Variants in PGF observed in about 807,000 individuals in gnomAD.
The protein encoded by PGF is placenta growth factor.
PGF carries 11 observed loss-of-function variants against 25.3 expected under a neutral mutation model. The ratio of observed to expected loss-of-function variants is 0.43; its 90% CI spans 0.27 to 0.72. The LOEUF is 0.72. Ranked by LOEUF, PGF falls within the 30% of genes least tolerant of loss-of-function variation. PGF has a pLI of 0.18. For synonymous variants in PGF, 105 were observed against 97.9 expected, an observed-to-expected ratio of 1.07 and a Z score of -0.43; for missense variants, 230 against 234.9, an observed-to-expected ratio of 0.98 and a Z score of 0.14.
chr14:74,949,468 C>T lies in PGF; in HGVS notation c.204G>A (p.Glu68=). The change falls in exon 3 of 7, where the codon GAG becomes GAA. Residue 68 remains glutamate (E), a synonymous_variant. Transcript: ENST00000555567. Reference sequence around the variant, plus strand: ...AGGATGGGCTGAACATGTGCTCCACCTCGCTGGGGTACTCGGACACGACGT... The same window carrying T: ...AGGATGGGCTGAACATGTGCTCCACTTCGCTGGGGTACTCGGACACGACGT... ...LVDVVSEYPS[E]VEHMFSPSCV... is the part of the protein sequence containing the mutation. The T allele has an allele frequency of 6.2e-7, 1 of 1,612,482 alleles. No individual in the cohort carries two copies.
rs751945485 is a variant in PGF at position 74,955,198 on chromosome 14, G to A, written c.45C>T (p.Ala15=). Residue 15 remains alanine, a synonymous_variant, in exon 1 of 7, where the codon GCC becomes GCT. Coordinates refer to ENST00000555567, the MANE Select transcript of PGF (RefSeq NM_002632.6). The surrounding 1 kb of genome is among the most constrained non-coding windows in gnomAD (Gnocchi z 4.1). The part of the protein sequence containing the change: ...RLFPCFLQLL[A]GLALPAVPPQ... The stretch of plus-strand genomic sequence containing the variant: ...GGGGCACAGCAGGCAGCGCCAGCCC[G>A]GCCAGGAGCTGCAGGAAGCAAGGGA... 8 of 1,490,690 alleles carry A rather than the reference G, an allele frequency of 5.4e-6. No homozygotes were observed. In the South Asian group the frequency reaches 9.0e-5, roughly 17 times the overall value. The allele number at this position is 1,490,690 out of a possible 1,614,324, so 92.3% of individuals were successfully genotyped here. A position where few individuals can be genotyped will look rare whatever the true frequency, so the allele number is the denominator to read the frequency against.
At chr14:74,946,158 C>G in intron 6 of PGF, 55 bp downstream of exon 6, 1 of 1,551,060 alleles carries the variant, frequency 6.4e-7, no homozygotes, top group South Asian at 1.1e-5. Context: ...GGCGGCAAGG[C>G]GGGGCTCCCC....
Position 74,955,095 on chromosome 14 carries a change from T to C in PGF, c.75+73A>G. 1.2e-6 allele frequency: 1 copy of C among 825,002 alleles called. No homozygotes were observed. The highest frequency in any genetic ancestry group is 1.8e-6 in the Non-Finnish European group (1 of 570,310). 51.1% of individuals were successfully genotyped at this position (825,002 alleles called of 1,614,324 possible). A position where few individuals can be genotyped will look rare whatever the true frequency, so the allele number is the denominator to read the frequency against. On this transcript the variant is annotated intron_variant, in intron 1 of 6. Coordinates refer to ENST00000555567, the MANE Select transcript of PGF (RefSeq NM_002632.6). The surrounding 1 kb of genome is among the most constrained non-coding windows in gnomAD (Gnocchi z 4.1). ...GCTGCTCCCTGGAGTGGGTCTGTGA[T>C]TTCAGAGTCCCATGCTTCCAGTGCT...
intron 1 of PGF, 108 bp from the exon 2 acceptor site, chr14:74,954,054 T>C: frequency 3.1e-6 from 3 of 979,926 alleles, no homozygotes; most frequent in Non-Finnish European, 3.2e-6. Context: ...TCCTTCCCAC[T>C]TGCTGCACAT....
In PGF at chr14:74,955,378, C is replaced by A. The variant is rs11542849; in HGVS notation, c.-136G>T. On this transcript the variant is annotated 5_prime_UTR_variant, in exon 1 of 7. Transcript: ENST00000555567. The surrounding 1 kb of genome is among the most constrained non-coding windows in gnomAD (Gnocchi z 4.1). ...CTCACTGCTGCCCCGAGGCCCCGGC[C>A]GGTGGTTCGAGCATCTTCTGGAAGC... The A allele has an allele frequency of 4.5e-6, 2 of 447,616 alleles. No individual in the cohort carries two copies. The highest frequency in any genetic ancestry group is 7.8e-6 in the Non-Finnish European group (2 of 255,876). The allele number at this position is 447,616 out of a possible 1,614,324, so 27.7% of individuals were successfully genotyped here.
At chr14:74,946,109 G>A in intron 6 of PGF, 104 bp downstream of exon 6, 3 of 960,876 alleles carry the variant, frequency 3.1e-6, no homozygotes, top group Non-Finnish European at 3.3e-6. Flanking sequence ...CCCCAAGACT[G>A]GCCTCAGTCC....
intron 4 of PGF, chr14:74,947,338 G>A (rs1232497817): frequency 6.2e-6 from 1 of 160,150 alleles, no homozygotes; most frequent in African/African-American, 2.4e-5. Flanking sequence ...CTGGCTTGGA[G>A]GGATGGGTGG....
rs1424122980 is a variant in PGF at position 74,953,778 on chromosome 14, T to A, written c.118+126A>T. 5.3e-6 allele frequency: 5 copies of A among 941,228 alleles called. No homozygotes were observed. The highest frequency in any genetic ancestry group is 3.4e-5 in the Admixed American group (2 of 58,094). 58.3% of individuals were successfully genotyped at this position (941,228 alleles called of 1,614,324 possible). A position where few individuals can be genotyped will look rare whatever the true frequency, so the allele number is the denominator to read the frequency against. ...GCCCTGCCAAAGTCATCACCCAGCA[T>A]GTCTAGCTTGTAGGCTCTCCCCAGC... On this transcript the variant is annotated intron_variant, in intron 2 of 6. Coordinates refer to ENST00000555567, the MANE Select transcript of PGF (RefSeq NM_002632.6). This position sits in a 1 kb window ranked among gnomAD's most constrained non-coding sequence, Gnocchi z 5.4.
rs761272672 is a variant in PGF, at chr14:74,948,493, C to A, written c.392+14G>T. ...GGGCCTTTCCTTGCTACCCACCCGA[C>A]CCCGGAGACCTACCGGCATTCGCAG... On this transcript the variant is annotated intron_variant, in intron 4 of 6. Coordinates refer to ENST00000555567, the MANE Select transcript of PGF (RefSeq NM_002632.6). The A allele has an allele frequency of 6.4e-7, 1 of 1,563,114 alleles. No homozygotes were observed. The highest frequency in any genetic ancestry group is 1.7e-5 in the Admixed American group (1 of 58,554).
rs867102282 is a variant in PGF at position 74,944,155 on chromosome 14, T to C, written c.486-1422A>G. 5.0e-4 allele frequency among the ~76,000 whole-genome samples: 74 copies of C among 147,450 alleles called. 1 individual carries two copies. The South Asian group carries it at 9.2e-3, about 18-fold the overall frequency. ...AGTCTTGCTCTGTCCCAGGCTGGAG[T>C]GCAGTGGCGTGATCTCGGCTCACTG... On this transcript the variant is annotated intron_variant, in intron 6 of 6. Coordinates refer to ENST00000555567, the MANE Select transcript of PGF (RefSeq NM_002632.6).
In PGF at chr14:74,946,197, G is replaced by T; in HGVS notation, c.485+16C>A. 6.2e-7 allele frequency: 1 copy of T among 1,612,714 alleles called. No homozygotes were observed. The highest frequency in any genetic ancestry group is 2.2e-5 in the East Asian group (1 of 44,852). ...GGCCCAGCCTCCTCGCCATCCCTGG[G>T]ACCCCGCACACTCACAGGTGGCAGT... On this transcript the variant is annotated intron_variant, in intron 6 of 6. Transcript: ENST00000555567.
At chr14:74,946,024 G>T (rs190342214) in intron 6 of PGF, 189 bp downstream of exon 6, 4 of 595,474 alleles carry the variant, frequency 6.7e-6, no homozygotes. Context: ...CTAGGGCTAA[G>T]CCGGGACAAA....
At chr14:74,947,018 C>G in intron 4 of PGF, 3 of 608,534 alleles carry the variant, frequency 4.9e-6, no homozygotes, top group Non-Finnish European at 8.8e-6. Context: ...GGGCCTCAGT[C>G]TTCACTGGGA....
intron 6 of PGF, chr14:74,945,442 G>A (rs1385812214): frequency 2.6e-5 from 4 of 152,224 alleles, no homozygotes; most frequent in African/African-American, 9.7e-5. Context: ...CTGTCTTCAT[G>A]GAGTGGGGCT....
Position 74,946,582 on chromosome 14 carries a change from G to T in PGF, c.393-174C>A, listed in dbSNP as rs916181730. 12 of 648,110 alleles carry T rather than the reference G, an allele frequency of 1.9e-5. No individual in the cohort carries two copies. In the African/African-American group the frequency reaches 2.0e-4, roughly 11 times the overall value. The allele number at this position is 648,110 out of a possible 1,614,324, so 40.1% of individuals were successfully genotyped here. A position where few individuals can be genotyped will look rare whatever the true frequency, so the allele number is the denominator to read the frequency against. On this transcript the variant is annotated intron_variant, in intron 4 of 6. Transcript: ENST00000555567. Reference sequence around the variant, plus strand: ...AGGGAGAGGTGGCCAGAGCCTCAAGGCTTCACTCCCACTCCAGGCTCTGGT... The same window carrying T: ...AGGGAGAGGTGGCCAGAGCCTCAAGTCTTCACTCCCACTCCAGGCTCTGGT...
In PGF at chr14:74,953,168, G is replaced by A. The variant is rs1454035248; in HGVS notation, c.118+736C>T. Among the ~76,000 whole-genome samples the A allele has an allele frequency of 1.3e-5, 2 of 152,200 alleles. No individual in the cohort carries two copies. The highest frequency in any genetic ancestry group is 2.4e-5 in the African/African-American group (1 of 41,464). On this transcript the variant is annotated intron_variant, in intron 2 of 6. Transcript: ENST00000555567. This position sits in a 1 kb window ranked among gnomAD's most constrained non-coding sequence, Gnocchi z 5.4. ...GCCCAGCAGAGGGTGTTCCCAGCAC[G>A]CAGATGGCTATCACGCGTGTGCGTG...
At chr14:74,945,800 G>A (rs577382877) in intron 6 of PGF, 4 of 174,984 alleles carry the variant, frequency 2.3e-5, no homozygotes, top group South Asian at 2.7e-4. Flanking sequence ...CCCAGATAAC[G>A]TCTCAGCTGA....
intron 3 of PGF, 83 bp downstream of exon 3, chr14:74,949,274 G>A: frequency 8.5e-7 from 1 of 1,177,408 alleles, no homozygotes; most frequent in Middle Eastern, 2.1e-4. Context: ...CTCCAGCCCT[G>A]GGACCTGGGC....
At chr14:74,942,851 G>T in intron 6 of PGF, 118 bp from the exon 7 acceptor site, 1 of 864,968 alleles carries the variant, frequency 1.2e-6, no homozygotes, top group Non-Finnish European at 1.7e-6. Context: ...CATGGGGAGG[G>T]CGCAGTGCTC....
Sources: allele counts gnomAD v4.1 joint callset (sites outside exome capture counted in the v4.1 genomes callset), GRCh38; gene constraint gnomAD v4.1.1; non-coding constraint Gnocchi (gnomAD v3.1); transcripts MANE v1.5; gene names NCBI Gene and HGNC (gene_info 2026-07-23, HGNC 2026-07-21).